Variants in SLC37A2 observed in about 807,000 individuals in gnomAD.
The protein encoded by SLC37A2 is solute carrier family 37 member 2.
In SLC37A2, 59 loss-of-function variants were observed where a neutral mutation model predicts 70.7. That is an observed-to-expected ratio of 0.83 (90% CI 0.68 to 1.04). The LOEUF (loss-of-function observed/expected upper bound fraction) is 1.04, where lower values mean the gene tolerates loss of function less well. SLC37A2 is among the 50% of genes least tolerant of loss of function. The pLI, the probability that SLC37A2 is intolerant of heterozygous loss-of-function variation, is 0.00. For synonymous variants in SLC37A2, 257 were observed against 262.1 expected (o/e 0.98, Z 0.19); for missense variants, 580 against 658.1 (o/e 0.88, Z 1.30).
chr11:125,076,700 C>G, intron 1 of SLC37A2, 57 bp from the exon 2 acceptor site: 1 of 1,555,456 alleles, frequency 6.4e-7, no homozygotes, highest in Non-Finnish European at 8.9e-7. Flanking sequence ...GATGCCGGCC[C>G]AGAACTTCCA....
At chr11:125,065,033 T>G (rs751724316) in intron 1 of SLC37A2, among the ~76,000 whole-genome samples, 1 of 152,250 alleles carries the variant, frequency 6.6e-6, no homozygotes, top group Non-Finnish European at 1.5e-5. Context: ...CAAATTGGTC[T>G]TCTACAGGTT....
intron 17 of SLC37A2, chr11:125,086,741 G>C: frequency 4.3e-6 from 1 of 233,992 alleles, no homozygotes; most frequent in Non-Finnish European, 8.5e-6. Flanking sequence ...CAGCAGGTCA[G>C]TGGCTGAGGC....
At chr11:125,075,256 A>G (rs113203115) in intron 1 of SLC37A2, among the ~76,000 whole-genome samples, 2,217 of 152,092 alleles carry the variant, frequency 0.015, 23 homozygotes, top group South Asian at 0.025. Flanking sequence ...ACCCTCTTCA[A>G]AGTCTCTCAG....
Position 125,086,010 on chromosome 11 carries a change from A to T in SLC37A2, c.1482A>T (p.Arg494Ser). 1 of 1,614,128 alleles carries T rather than the reference A, an allele frequency of 6.2e-7. No individual in the cohort carries two copies. Among genetic ancestry groups the T allele is most frequent in the Non-Finnish European group, 8.5e-7 (1 of 1,180,000 alleles). ...EILAWKVSLS[R>S]GSGYKEI Reference sequence around the variant, plus strand: ...TGGCCTGGAAGGTGTCCCTGAGCAGAGGCAGCGGGTGAGTCCGGGGAGCTG... The same window carrying T: ...TGGCCTGGAAGGTGTCCCTGAGCAGTGGCAGCGGGTGAGTCCGGGGAGCTG... The change falls in exon 17 of 18, where the codon AGA becomes AGT. Residue 494 changes from arginine to serine, a missense_variant. Arg to Ser is a moderately radical substitution (Grantham distance 110). Coordinates refer to ENST00000403796, the MANE Select transcript of SLC37A2 (RefSeq NM_001145290.2).
chr11:125,080,602 C>T lies in SLC37A2; in HGVS notation c.528-12C>T. On this transcript the variant is annotated splice_polypyrimidine_tract_variant and intron_variant, in intron 6 of 17. Coordinates refer to ENST00000403796, the MANE Select transcript of SLC37A2 (RefSeq NM_001145290.2). This position sits in a 1 kb window ranked among gnomAD's most constrained non-coding sequence, Gnocchi z 4.3. Reference sequence around the variant, plus strand: ...CTTTTTATACCTCTTCCCTTCTCTCCCTCCCTTCCAGGCGGGGGTTCATCA... The same window carrying T: ...CTTTTTATACCTCTTCCCTTCTCTCTCTCCCTTCCAGGCGGGGGTTCATCA... The T allele has an allele frequency of 6.8e-7, 1 of 1,475,116 alleles. No individual in the cohort carries two copies. The highest frequency in any genetic ancestry group is 9.0e-7 in the Non-Finnish European group (1 of 1,105,964). 91.4% of individuals were successfully genotyped at this position (1,475,116 alleles called of 1,614,324 possible).
chr11:125,064,738 A>G lies in SLC37A2; in HGVS notation c.59+1312A>G, dbSNP rs187864921. Reference sequence around the variant, plus strand: ...CCATGTTAAAGATTTTCTTTTACTCATAATAAAGGAGGCAGAAGATGTTAT... The same window carrying G: ...CCATGTTAAAGATTTTCTTTTACTCGTAATAAAGGAGGCAGAAGATGTTAT... On this transcript the variant is annotated intron_variant, in intron 1 of 17. Coordinates refer to ENST00000403796, the MANE Select transcript of SLC37A2 (RefSeq NM_001145290.2). 5.3e-3 allele frequency among the ~76,000 whole-genome samples: 808 copies of G among 152,346 alleles called. 7 individuals carry two copies. Among genetic ancestry groups the G allele is most frequent in the African/African-American group, 0.018 (752 of 41,580 alleles).
In SLC37A2 at chr11:125,076,779, C is replaced by CT. The variant is rs1949091797; in HGVS notation, c.83dup (p.Thr29AspfsTer35). On this transcript the variant is annotated frameshift_variant, in exon 2 of 18. Coordinates refer to ENST00000403796, the MANE Select transcript of SLC37A2 (RefSeq NM_001145290.2). LOFTEE classifies it high-confidence loss of function. ...CAGGTTCCGAGGCCTCATCCTGCTG[C>CT]TGACCTTCCTAATTTACGCCTGCTA... is the stretch of plus-strand genomic sequence containing the variant. 1 of 1,614,064 alleles carries CT rather than the reference C, an allele frequency of 6.2e-7. No individual in the cohort carries two copies. Among genetic ancestry groups the CT allele is most frequent in the Non-Finnish European group, 8.5e-7 (1 of 1,180,046 alleles).
chr11:125,075,176 C>G (rs559162389), intron 1 of SLC37A2, among the ~76,000 whole-genome samples: 20 of 152,326 alleles, frequency 1.3e-4, no homozygotes, highest in Admixed American at 8.5e-4. Flanking sequence ...CCAGGCGGGG[C>G]TTGGTGGCTG....
chr11:125,084,084 C>T, intron 11 of SLC37A2, 150 bp from the exon 12 acceptor site: 1 of 889,894 alleles, frequency 1.1e-6, no homozygotes, highest in South Asian at 1.5e-5. Flanking sequence ...TAGTGATGGG[C>T]ACTACAGGAA....
rs1378736184 is a variant in SLC37A2 at position 125,080,260 on chromosome 11, TA to T, written c.528-353del. The stretch of plus-strand genomic sequence containing the variant: ...TGAAAAATCTCTAGCTGTTACCAGA[TA>T]TCCCTTGGGGGTAGGATCACCCCTG... On this transcript the variant is annotated intron_variant, in intron 6 of 17. Coordinates refer to ENST00000403796, the MANE Select transcript of SLC37A2 (RefSeq NM_001145290.2). This position sits in a 1 kb window ranked among gnomAD's most constrained non-coding sequence, Gnocchi z 4.3. 2.6e-5 allele frequency among the ~76,000 whole-genome samples: 4 copies of T among 152,328 alleles called. No individual in the cohort carries two copies. In the East Asian group the frequency reaches 7.7e-4, roughly 29 times the overall value.
At chr11:125,077,594 G>C (rs1054571393) in intron 4 of SLC37A2, 66 bp downstream of exon 4, 2 of 1,269,398 alleles carry the variant, frequency 1.6e-6, no homozygotes, top group Non-Finnish European at 2.2e-6. Context: ...TCCCCTTAAG[G>C]AACCTGGGGG....
chr11:125,079,577 G>A, intron 5 of SLC37A2, 107 bp from the exon 6 acceptor site: 1 of 829,094 alleles, frequency 1.2e-6, no homozygotes, highest in Non-Finnish European at 2.0e-6. Context: ...GGGGTATGGA[G>A]GGCCCCTTGG....
chr11:125,077,048 T>C (rs1235937220), intron 2 of SLC37A2, among the ~76,000 whole-genome samples, 182 bp from the exon 3 acceptor site: 2 of 152,184 alleles, frequency 1.3e-5, no homozygotes, highest in East Asian at 3.9e-4. Flanking sequence ...CTGGGCTATG[T>C]GGATGCTGCT....
rs2135582727 is a variant in SLC37A2 at position 125,090,440 on chromosome 11, C to T, written c.*2306C>T. 1 of 152,480 alleles carries T rather than the reference C, an allele frequency of 6.6e-6. No homozygotes were observed. The highest frequency in any genetic ancestry group is 1.9e-4 in the East Asian group (1 of 5,192). The allele number at this position is 152,480 out of a possible 1,614,324, so 9.4% of individuals were successfully genotyped here. On this transcript the variant is annotated 3_prime_UTR_variant, in exon 18 of 18. Transcript: ENST00000403796. ...GAGAATAAAAGCAGGCTGCCCGAGCCAGCATTGGCAACTCGCTCGGGTCCC... is the reference window on the plus strand; with the variant it reads ...GAGAATAAAAGCAGGCTGCCCGAGCTAGCATTGGCAACTCGCTCGGGTCCC...
chr11:125,085,190 A>G, intron 14 of SLC37A2, 51 bp downstream of exon 14: 1 of 1,548,178 alleles, frequency 6.5e-7, no homozygotes. Flanking sequence ...GGGCTTGGTC[A>G]GGGCCACCAT....
rs1310519426 is a variant in SLC37A2, at chr11:125,075,383, G to A, written c.60-1374G>A. 2.0e-5 allele frequency among the ~76,000 whole-genome samples: 3 copies of A among 152,240 alleles called. No homozygotes were observed. The East Asian group carries it at 5.8e-4, about 29-fold the overall frequency. On this transcript the variant is annotated intron_variant, in intron 1 of 17. Transcript: ENST00000403796. Reference sequence around the variant, plus strand: ...TTGCCTATGTCAGTCACTGTGACAGGCACTTGGAGTAGCCCCAGCTTCCCT... The same window carrying A: ...TTGCCTATGTCAGTCACTGTGACAGACACTTGGAGTAGCCCCAGCTTCCCT...
chr11:125,077,342 G>T lies in SLC37A2; in HGVS notation c.235+19G>T. The T allele has an allele frequency of 1.3e-6, 2 of 1,595,008 alleles. No individual in the cohort carries two copies. Among genetic ancestry groups the T allele is most frequent in the Non-Finnish European group, 8.5e-7 (1 of 1,170,040 alleles). ...CCATTTGGTAAGAACAGGGCAAGTT[G>T]CTCTTCCCATTCCCCATTCCCTCTT... On this transcript the variant is annotated intron_variant, in intron 3 of 17. Transcript: ENST00000403796.
Position 125,063,423 on chromosome 11 carries a change from G to T in SLC37A2, c.56G>T (p.Ser19Ile), listed in dbSNP as rs1948949414. The change falls in exon 1 of 18, where the codon AGC (serine) becomes ATC (isoleucine). Residue 19 changes from serine (S) to isoleucine (I), a missense_variant. Transcript: ENST00000403796. This position sits in a 1 kb window ranked among gnomAD's most constrained non-coding sequence, Gnocchi z 5.4. Reference protein sequence around the residue: ...VWFFRAFSRDSWFRGLILLLT... With the variant: ...VWFFRAFSRDIWFRGLILLLT... ...TTCTTCCGGGCCTTCTCCAGGGACA[G>T]CTGGTGAGCGGGGCAGGGGAGGGAG... 6.2e-7 allele frequency: 1 copy of T among 1,611,160 alleles called. No homozygotes were observed. The highest frequency in any genetic ancestry group is 8.5e-7 in the Non-Finnish European group (1 of 1,179,044).
At chr11:125,068,878 C>G (rs1170998889) in intron 1 of SLC37A2, among the ~76,000 whole-genome samples, 2 of 152,206 alleles carry the variant, frequency 1.3e-5, no homozygotes, top group Non-Finnish European at 1.5e-5. Context: ...AAATCTCTGT[C>G]ACATTTAACT....
Sources: gnomAD v4.1 joint callset for allele counts (sites outside exome capture counted in the v4.1 genomes callset) on GRCh38, gnomAD v4.1.1 for gene constraint, Gnocchi (gnomAD v3.1) non-coding constraint, MANE v1.5 for transcripts, NCBI Gene and HGNC (gene_info 2026-07-23, HGNC 2026-07-21) for gene names.